Variants in NOL4L observed in about 807,000 individuals in gnomAD.
The protein encoded by NOL4L is nucleolar protein 4 like.
Under a neutral mutation model 64.5 loss-of-function variants are expected in NOL4L, and 7 were observed. The observed-to-expected ratio is 0.11, with a 90% CI of 0.06 to 0.20. The LOEUF is 0.20. NOL4L is among the 10% of genes least tolerant of loss of function. The pLI is 1.00. For synonymous variants in NOL4L, 413 were observed against 401.0 expected, an observed-to-expected ratio of 1.03 and a Z score of -0.36; for missense variants, 680 against 967.1, an observed-to-expected ratio of 0.70 and a Z score of 3.94.
chr20:32,467,593 C>T (rs193160886), intron 5 of NOL4L, among the ~76,000 whole-genome samples: 32 of 152,268 alleles, frequency 2.1e-4, no homozygotes, highest in Admixed American at 5.9e-4. Flanking sequence ...ACTGGACCAA[C>T]GGGGTGGTGC....
At chr20:32,515,991 G>A (rs937865383) in intron 3 of NOL4L, among the ~76,000 whole-genome samples, 2 of 152,206 alleles carry the variant, frequency 1.3e-5, no homozygotes, top group African/African-American at 4.8e-5. Context: ...GTTGTTTGCT[G>A]GCCTGTGCAG....
chr20:32,504,412 T>C (rs1172327368), intron 4 of NOL4L, among the ~76,000 whole-genome samples: 3 of 151,992 alleles, frequency 2.0e-5, no homozygotes, highest in Middle Eastern at 3.4e-3. Flanking sequence ...TACAAAAAAT[T>C]AGCCAGGTGT....
chr20:32,504,937 T>C (rs2017081747), intron 4 of NOL4L, among the ~76,000 whole-genome samples: 1 of 152,156 alleles, frequency 6.6e-6, no homozygotes, highest in Non-Finnish European at 1.5e-5. Context: ...GTCACACACA[T>C]TGAGCCACAG....
chr20:32,530,475 A>C (rs1262272084), intron 1 of NOL4L, among the ~76,000 whole-genome samples: 2 of 151,924 alleles, frequency 1.3e-5, no homozygotes, highest in Non-Finnish European at 2.9e-5. Flanking sequence ...CGGGAGGCAG[A>C]GCTTGCAGTG....
intron 1 of NOL4L, among the ~76,000 whole-genome samples, chr20:32,556,659 C>T (rs1231665892): frequency 1.3e-5 from 2 of 152,212 alleles, no homozygotes; most frequent in East Asian, 1.9e-4. Context: ...GGCATATCAG[C>T]GAAGGCATCT....
chr20:32,471,114 T>C lies in NOL4L; in HGVS notation c.841+3487A>G, dbSNP rs117288530. ...GGTTGGGGGCAGAAGCCTAACTGTG[T>C]TTCAGGACAAGCAGACACTCACCCC... On this transcript the variant is annotated intron_variant, in intron 5 of 10. Coordinates refer to ENST00000621426, the MANE Select transcript of NOL4L (RefSeq NM_001256798.2). Among the ~76,000 whole-genome samples the C allele has an allele frequency of 8.0e-4, 122 of 152,228 alleles. 2 individuals carry two copies. In the East Asian group the frequency reaches 0.022, roughly 28 times the overall value.
At chr20:32,488,809 CT>C in intron 4 of NOL4L, among the ~76,000 whole-genome samples, 2 of 25,654 alleles carry the variant, frequency 7.8e-5, no homozygotes, top group East Asian at 4.5e-3. Context: ...CTTTCTTTTT[CT>C]TTCTTTCTTT....
chr20:32,539,037 G>C (rs915405493), intron 1 of NOL4L, among the ~76,000 whole-genome samples: 2 of 150,918 alleles, frequency 1.3e-5, no homozygotes, highest in African/African-American at 2.4e-5. Flanking sequence ...GTGGGGTGGG[G>C]TGGGGGGCGG....
intron 1 of NOL4L, among the ~76,000 whole-genome samples, chr20:32,566,088 A>G (rs1025503552): frequency 6.6e-6 from 1 of 152,190 alleles, no homozygotes; most frequent in African/African-American, 2.4e-5. Flanking sequence ...AGAAGCTCCT[A>G]TAAGCCAGGC....
chr20:32,581,785 A>T (rs569086076), intron 1 of NOL4L, among the ~76,000 whole-genome samples: 92 of 152,158 alleles, frequency 6.0e-4, no homozygotes, highest in Non-Finnish European at 1.0e-3. Flanking sequence ...TGGGTACTAA[A>T]CAAATGCTTT....
intron 3 of NOL4L, among the ~76,000 whole-genome samples, chr20:32,511,706 C>T (rs1056886655): frequency 2.6e-5 from 4 of 152,140 alleles, no homozygotes; most frequent in Admixed American, 6.5e-5. Flanking sequence ...ACAATGAGGC[C>T]GGGCGTGCTG....
rs965073776 is a variant in NOL4L, at chr20:32,527,643, C to T, written c.477+115G>A. On this transcript the variant is annotated intron_variant, in intron 2 of 10. Transcript: ENST00000621426. ...TGTGCCCCCCTAGATCCCCAAAGGC[C>T]GTTTCATCACGCCTCAGCTCCCTGC... 23 of 1,264,706 alleles carry T rather than the reference C, an allele frequency of 1.8e-5. 1 individual carries two copies. In the African/African-American group the frequency reaches 2.0e-4, roughly 11 times the overall value. The allele number at this position is 1,264,706 out of a possible 1,614,324, so 78.3% of individuals were successfully genotyped here.
chr20:32,501,792 C>T (rs1033276443), intron 4 of NOL4L, among the ~76,000 whole-genome samples: 1 of 152,004 alleles, frequency 6.6e-6, no homozygotes, highest in African/African-American at 2.4e-5. Flanking sequence ...ATTGATACAT[C>T]TGAGTACATA....
At chr20:32,570,751 A>G (rs1979703646) in intron 1 of NOL4L, among the ~76,000 whole-genome samples, 1 of 152,224 alleles carries the variant, frequency 6.6e-6, no homozygotes, top group Admixed American at 6.5e-5. Flanking sequence ...GGACCTGCAC[A>G]GGGAGCTGGG....
intron 4 of NOL4L, among the ~76,000 whole-genome samples, chr20:32,502,770 G>C (rs1039846081): frequency 2.0e-5 from 3 of 152,026 alleles, no homozygotes; most frequent in Admixed American, 2.0e-4. Context: ...AATTAGCCGG[G>C]AGTGGTGGCC....
chr20:32,584,933 G>C lies in NOL4L; in HGVS notation c.-43C>G, dbSNP rs1980791903. ...CGCCCTCGGGGGCGGGCCGGCCGCCGGGCCGCCCGGTGCCGGGACTGGGCT... is the reference window on the plus strand; with the variant it reads ...CGCCCTCGGGGGCGGGCCGGCCGCCCGGCCGCCCGGTGCCGGGACTGGGCT... On this transcript the variant is annotated 5_prime_UTR_variant, in exon 1 of 11. Coordinates refer to ENST00000621426, the MANE Select transcript of NOL4L (RefSeq NM_001256798.2). 9.1e-7 allele frequency: 1 copy of C among 1,099,206 alleles called. No homozygotes were observed. The highest frequency in any genetic ancestry group is 1.1e-6 in the Non-Finnish European group (1 of 901,426). 68.1% of individuals were successfully genotyped at this position (1,099,206 alleles called of 1,614,324 possible).
At chr20:32,573,696 G>T in intron 1 of NOL4L, 1 of 190,096 alleles carries the variant, frequency 5.3e-6, no homozygotes, top group South Asian at 9.6e-5. Context: ...GTAAGCGGCA[G>T]AACCTGGACC....
At chr20:32,535,914 C>T in intron 1 of NOL4L, 1 of 985,702 alleles carries the variant, frequency 1.0e-6, no homozygotes, top group Non-Finnish European at 1.2e-6. Flanking sequence ...AGGCCAGGGT[C>T]TGGGCCTGGC....
At chr20:32,584,011 G>C (rs1464611250) in intron 1 of NOL4L, among the ~76,000 whole-genome samples, 1 of 147,776 alleles carries the variant, frequency 6.8e-6, no homozygotes, top group Non-Finnish European at 1.5e-5. Context: ...GGGTGGGGTC[G>C]GGGCGACAGT....
Sources: allele counts gnomAD v4.1 joint callset (sites outside exome capture counted in the v4.1 genomes callset), GRCh38; gene constraint gnomAD v4.1.1; transcripts MANE v1.5; gene names NCBI Gene and HGNC (gene_info 2026-07-23, HGNC 2026-07-21).